Variants in WWOX observed in about 807,000 individuals in gnomAD.
WWOX encodes the protein WW domain-containing oxidoreductase.
Under a neutral mutation model 46.2 loss-of-function variants are expected in WWOX, and 69 were observed. That is an observed-to-expected ratio of 1.49 (90% CI 1.23 to 1.82). The LOEUF is 1.82. Ranked by LOEUF, WWOX falls within the 40% of genes most tolerant of loss-of-function variation. The pLI, the probability that WWOX is intolerant of heterozygous loss-of-function variation, is 0.00. For missense variants in WWOX, 919 were observed against 542.6 expected (o/e 1.69, Z -6.89); for synonymous variants, 359 against 202.6 (o/e 1.77, Z -6.56).
At chr16:78,943,445 G>A (rs1470195258) in intron 8 of WWOX, among the ~76,000 whole-genome samples, 1 of 152,150 alleles carries the variant, frequency 6.6e-6, no homozygotes, top group Non-Finnish European at 1.5e-5. Flanking sequence ...CTCCTAGAGG[G>A]AGAAACAGGG....
intron 8 of WWOX, among the ~76,000 whole-genome samples, chr16:78,850,429 G>C (rs1417927170): frequency 2.6e-5 from 4 of 152,154 alleles, no homozygotes; most frequent in Non-Finnish European, 5.9e-5. Context: ...ATATCAGCTA[G>C]ATAAAAGCTG....
rs1368402639 is a variant in WWOX, at chr16:78,099,765, C to T, written c.-14C>T. The T allele has an allele frequency of 5.2e-6, 8 of 1,535,958 alleles. No homozygotes were observed. Among genetic ancestry groups the T allele is most frequent in the African/African-American group, 4.2e-5 (3 of 71,672 alleles). ...AGCGGGCGATAGGGGGGCCAGGTGCCTCCACAGTCAGCCATGGCAGCGCTG... is the reference window on the plus strand; with the variant it reads ...AGCGGGCGATAGGGGGGCCAGGTGCTTCCACAGTCAGCCATGGCAGCGCTG... On this transcript the variant is annotated 5_prime_UTR_variant, in exon 1 of 9. Transcript: ENST00000566780.
intron 6 of WWOX, among the ~76,000 whole-genome samples, chr16:78,424,430 C>G (rs1371426084): frequency 6.6e-6 from 1 of 152,120 alleles, no homozygotes; most frequent in Non-Finnish European, 1.5e-5. Context: ...CTGTGTCAGC[C>G]TTTTTAACAG....
chr16:78,126,510 G>A (rs780042684), intron 4 of WWOX, among the ~76,000 whole-genome samples: 1 of 152,070 alleles, frequency 6.6e-6, no homozygotes, highest in African/African-American at 2.4e-5. Context: ...CATCTTATAT[G>A]CATGACTATT....
chr16:78,520,747 C>G (rs770139071), intron 8 of WWOX, among the ~76,000 whole-genome samples: 26 of 152,202 alleles, frequency 1.7e-4, no homozygotes, highest in Non-Finnish European at 3.5e-4. Flanking sequence ...GCCAATGATT[C>G]ACCCTCCCTA....
At chr16:78,295,168 G>A (rs1458665834) in intron 5 of WWOX, among the ~76,000 whole-genome samples, 1 of 152,102 alleles carries the variant, frequency 6.6e-6, no homozygotes, top group African/African-American at 2.4e-5. Flanking sequence ...TTTATTTTGA[G>A]GTCTTGGCTG....
At chr16:78,622,809 G>A (rs1299834294) in intron 8 of WWOX, among the ~76,000 whole-genome samples, 1 of 152,210 alleles carries the variant, frequency 6.6e-6, no homozygotes, top group Admixed American at 6.5e-5. Flanking sequence ...ACATGAGACA[G>A]ATTTTGAGTT....
At position 79,178,221 on chromosome 16, in the gene WWOX, G is replaced by C. The variant is rs75752067; in HGVS notation, c.1057-33387G>C. 2.6e-3 allele frequency among the ~76,000 whole-genome samples: 402 copies of C among 152,304 alleles called. 1 individual carries two copies. Among genetic ancestry groups the C allele is most frequent in the Middle Eastern group, 0.014 (4 of 294 alleles). On this transcript the variant is annotated intron_variant, in intron 8 of 8. Coordinates refer to ENST00000566780, the MANE Select transcript of WWOX (RefSeq NM_016373.4). ...CCATGGACAATACACAAATGAACAA[G>C]TGACTATTTGCTAATAGTTTTATTT...
intron 8 of WWOX, among the ~76,000 whole-genome samples, chr16:78,536,256 T>A (rs1000434197): frequency 6.6e-6 from 1 of 152,098 alleles, no homozygotes; most frequent in Admixed American, 6.5e-5. Context: ...AGTGTAAATG[T>A]CATGTAGATT....
chr16:78,279,425 G>A (rs553215014), intron 5 of WWOX, among the ~76,000 whole-genome samples: 1 of 152,134 alleles, frequency 6.6e-6, no homozygotes, highest in East Asian at 1.9e-4. Flanking sequence ...TATTCCCAAA[G>A]TATATTATAA....
chr16:78,195,485 A>G (rs2151768240), intron 5 of WWOX, among the ~76,000 whole-genome samples: 1 of 151,996 alleles, frequency 6.6e-6, no homozygotes, highest in East Asian at 1.9e-4. Flanking sequence ...AGAAATTTCC[A>G]CATGTTAAGA....
chr16:79,120,010 CCA>C (rs1407900860), intron 8 of WWOX, among the ~76,000 whole-genome samples: 1 of 152,140 alleles, frequency 6.6e-6, no homozygotes, highest in African/African-American at 2.4e-5. Flanking sequence ...GACAACATAA[CCA>C]CACAGCCCAG....
intron 8 of WWOX, among the ~76,000 whole-genome samples, chr16:78,835,606 C>G (rs1235731350): frequency 6.6e-6 from 1 of 152,150 alleles, no homozygotes; most frequent in Non-Finnish European, 1.5e-5. Context: ...TTGGCTAGAT[C>G]AGTTATTATG....
At chr16:79,102,341 A>T (rs1235627785) in intron 8 of WWOX, among the ~76,000 whole-genome samples, 1 of 152,160 alleles carries the variant, frequency 6.6e-6, no homozygotes, top group Non-Finnish European at 1.5e-5. Flanking sequence ...TAAATGGGCA[A>T]ACTGGGAGGG....
chr16:78,340,017 T>TTGG (rs796485170), intron 5 of WWOX, among the ~76,000 whole-genome samples: 1 of 6,776 alleles, frequency 1.5e-4, no homozygotes, highest in Non-Finnish European at 3.4e-4. Flanking sequence ...ATGGATTTGG[T>TTGG]GGGGGGGGGG....
chr16:79,091,760 T>G (rs2150602679), intron 8 of WWOX, among the ~76,000 whole-genome samples: 1 of 151,014 alleles, frequency 6.6e-6, no homozygotes, highest in East Asian at 2.0e-4. Flanking sequence ...CGACCGCATC[T>G]TTTTCTTTTC....
intron 8 of WWOX, among the ~76,000 whole-genome samples, chr16:78,591,605 A>T (rs1042895101): frequency 4.6e-5 from 7 of 152,158 alleles, no homozygotes; most frequent in Non-Finnish European, 1.5e-5. Flanking sequence ...CTTCTCTGTA[A>T]CCTTAGACGA....
chr16:78,235,297 T>C (rs556166611), intron 5 of WWOX, among the ~76,000 whole-genome samples: 6 of 152,328 alleles, frequency 3.9e-5, no homozygotes, highest in African/African-American at 1.4e-4. Flanking sequence ...TGTTCTTCTT[T>C]TGGAGAGGAT....
chr16:78,712,014 C>T (rs748658872), intron 8 of WWOX, among the ~76,000 whole-genome samples: 5 of 152,164 alleles, frequency 3.3e-5, no homozygotes, highest in Non-Finnish European at 5.9e-5. Flanking sequence ...GAAGCCCCAA[C>T]GTCCTCCCAA....
Sources: gnomAD v4.1 joint callset for allele counts (sites outside exome capture counted in the v4.1 genomes callset) on GRCh38, gnomAD v4.1.1 for gene constraint, MANE v1.5 for transcripts, NCBI Gene and HGNC (gene_info 2026-07-23, HGNC 2026-07-21) for gene names.